The following CLYBL variants were observed in gnomAD, a reference collection of about 807,000 sequenced individuals.
The protein encoded by CLYBL is citramalyl-CoA lyase.
In CLYBL, 31 loss-of-function variants were observed where a neutral mutation model predicts 38.9. The observed-to-expected ratio is 0.80, with a 90% CI of 0.60 to 1.08. The LOEUF is 1.08. Ranked by LOEUF, CLYBL falls within the 50% of genes least tolerant of loss-of-function variation. The probability of loss-of-function intolerance (pLI) is 0.00; values close to 1 mark genes in which losing one functional copy is unlikely to be tolerated. For synonymous variants in CLYBL, 171 were observed against 158.6 expected (o/e 1.08, Z -0.59); for missense variants, 434 against 411.6 (o/e 1.05, Z -0.47).
intron 1 of CLYBL, among the ~76,000 whole-genome samples, chr13:99,679,918 T>C (rs926662254): frequency 2.0e-5 from 3 of 152,172 alleles, no homozygotes; most frequent in Non-Finnish European, 4.4e-5. Flanking sequence ...TAAAGAGCTA[T>C]GTATGTTACT....
chr13:99,853,978 C>G (rs1207274574), intron 2 of CLYBL, among the ~76,000 whole-genome samples: 1 of 152,188 alleles, frequency 6.6e-6, no homozygotes, highest in Non-Finnish European at 1.5e-5. Context: ...AAATGAAAAT[C>G]AGATGAGATG....
At chr13:99,686,908 A>T (rs4400905) in intron 1 of CLYBL, among the ~76,000 whole-genome samples, 44,683 of 152,060 alleles carry the variant, frequency 0.29, 7,834 homozygotes, top group Middle Eastern at 0.44. Context: ...AATGGGAGGA[A>T]ATAAGCCATT....
intron 2 of CLYBL, among the ~76,000 whole-genome samples, chr13:99,786,521 A>G (rs541214833): frequency 2.6e-5 from 4 of 152,188 alleles, no homozygotes; most frequent in East Asian, 3.9e-4. Flanking sequence ...CCATGTCCCT[A>G]CAAAGGACAT....
chr13:99,616,307 G>A (rs997127326), intron 1 of CLYBL, among the ~76,000 whole-genome samples: 3 of 152,086 alleles, frequency 2.0e-5, no homozygotes, highest in African/African-American at 7.2e-5. Flanking sequence ...GCAGGCATGT[G>A]CTACCACACC....
At chr13:99,647,442 C>T (rs936237694) in intron 1 of CLYBL, among the ~76,000 whole-genome samples, 6 of 151,908 alleles carry the variant, frequency 3.9e-5, no homozygotes, top group African/African-American at 1.5e-4. Flanking sequence ...GGCCCCGCCC[C>T]CCATCACAAC....
intron 1 of CLYBL, among the ~76,000 whole-genome samples, chr13:99,617,274 C>G (rs1037252104): frequency 2.0e-5 from 3 of 151,522 alleles, no homozygotes; most frequent in Non-Finnish European, 4.4e-5. Flanking sequence ...TCACAGTTCA[C>G]GCTAAAAATT....
chr13:99,817,142 T>C (rs545104143), intron 2 of CLYBL, among the ~76,000 whole-genome samples: 3 of 152,342 alleles, frequency 2.0e-5, no homozygotes, highest in African/African-American at 7.2e-5. Flanking sequence ...ATGATTTTCA[T>C]TGAGATCGTA....
intron 1 of CLYBL, among the ~76,000 whole-genome samples, chr13:99,706,795 G>A (rs1566615604): frequency 6.6e-6 from 1 of 152,090 alleles, no homozygotes; most frequent in Non-Finnish European, 1.5e-5. Flanking sequence ...GGAGCATTTT[G>A]ATATTTTATT....
intron 1 of CLYBL, among the ~76,000 whole-genome samples, chr13:99,724,921 T>A (rs2048448040): frequency 6.6e-6 from 1 of 152,142 alleles, no homozygotes; most frequent in South Asian, 2.1e-4. Context: ...AAAAAGGGAT[T>A]GGGGTAGTTC....
intron 7 of CLYBL, among the ~76,000 whole-genome samples, chr13:99,889,498 G>C (rs1390628436): frequency 6.6e-6 from 1 of 152,144 alleles, no homozygotes. Flanking sequence ...TTAGCTCGAG[G>C]CTGAATGAAA....
intron 7 of CLYBL, chr13:99,877,669 C>T (rs755229049): frequency 2.2e-5 from 7 of 315,538 alleles, no homozygotes; most frequent in East Asian, 1.2e-4. Flanking sequence ...CTCCGCCTCC[C>T]GGGTTCAAGT....
intron 1 of CLYBL, among the ~76,000 whole-genome samples, chr13:99,710,973 C>T (rs764923792): frequency 3.4e-5 from 5 of 149,156 alleles, no homozygotes; most frequent in East Asian, 2.0e-4. Flanking sequence ...CTGCAACCTC[C>T]GTCTCCTAGG....
chr13:99,868,099 G>T (rs1049449516), intron 6 of CLYBL, among the ~76,000 whole-genome samples: 3 of 152,152 alleles, frequency 2.0e-5, no homozygotes, highest in Non-Finnish European at 2.9e-5. Flanking sequence ...AAAAAAAAAG[G>T]GGGGAAGCGA....
chr13:99,848,158 T>C (rs1004856402), intron 2 of CLYBL, among the ~76,000 whole-genome samples: 4 of 152,042 alleles, frequency 2.6e-5, no homozygotes, highest in African/African-American at 7.3e-5. Flanking sequence ...GCCACCCGAG[T>C]CCCAGACTCC....
intron 1 of CLYBL, among the ~76,000 whole-genome samples, chr13:99,651,871 G>A (rs1162611362): frequency 6.6e-6 from 1 of 152,164 alleles, no homozygotes; most frequent in East Asian, 1.9e-4. Flanking sequence ...GGCAGAGGTT[G>A]CAGTGAGCCG....
intron 1 of CLYBL, among the ~76,000 whole-genome samples, chr13:99,666,228 C>T (rs1277857228): frequency 2.0e-5 from 3 of 152,096 alleles, no homozygotes; most frequent in Admixed American, 6.5e-5. Flanking sequence ...ATGGGGAGGG[C>T]GTGGTGCAGG....
At chr13:99,716,032 ATGAG>A (rs2048305999) in intron 1 of CLYBL, among the ~76,000 whole-genome samples, 2 of 152,100 alleles carry the variant, frequency 1.3e-5, no homozygotes, top group Non-Finnish European at 2.9e-5. Flanking sequence ...TAAATTATGA[ATGAG>A]TATTGAATTT....
At chr13:99,809,792 A>G (rs970138276) in intron 2 of CLYBL, among the ~76,000 whole-genome samples, 1 of 152,190 alleles carries the variant, frequency 6.6e-6, no homozygotes, top group Non-Finnish European at 1.5e-5. Context: ...CATTATTGCC[A>G]ATGTGACATG....
chr13:99,885,055 C>A, intron 7 of CLYBL: 1 of 528,430 alleles, frequency 1.9e-6, no homozygotes. Context: ...GAGCATCTCC[C>A]GTGTACCTGG....
Sources: allele counts gnomAD v4.1 joint callset (sites outside exome capture counted in the v4.1 genomes callset), GRCh38; gene constraint gnomAD v4.1.1; transcripts MANE v1.5; gene names NCBI Gene and HGNC (gene_info 2026-07-23, HGNC 2026-07-21).